SLC10A7: variants seen among roughly 807,000 people sequenced by gnomAD.
SLC10A7 encodes the protein sodium/bile acid cotransporter 7.
In SLC10A7, 29 loss-of-function variants were observed where a neutral mutation model predicts 43.2. That is an observed-to-expected ratio of 0.67 (90% CI 0.50 to 0.92). SLC10A7 has a LOEUF of 0.92. Ranked by LOEUF, SLC10A7 falls within the 40% of genes least tolerant of loss-of-function variation. The pLI is 0.00. For synonymous variants in SLC10A7, 152 were observed against 144.8 expected, an observed-to-expected ratio of 1.05 and a Z score of -0.35; for missense variants, 295 against 403.2, an observed-to-expected ratio of 0.73 and a Z score of 2.30.
intron 10 of SLC10A7, among the ~76,000 whole-genome samples, chr4:146,270,264 G>A (rs888342453): frequency 1.3e-5 from 2 of 152,086 alleles, no homozygotes; most frequent in African/African-American, 4.8e-5. Context: ...AAAAAACCCT[G>A]GAAGTCACTT....
chr4:146,286,675 C>T (rs75392730), intron 9 of SLC10A7, among the ~76,000 whole-genome samples: 9,720 of 46,784 alleles, frequency 0.21, 325 homozygotes, highest in South Asian at 0.42. Context: ...TGAGAAGGAC[C>T]GTGTCTGGAG....
intron 5 of SLC10A7, among the ~76,000 whole-genome samples, chr4:146,330,873 A>G (rs1373949309): frequency 6.6e-6 from 1 of 151,932 alleles, no homozygotes; most frequent in East Asian, 1.9e-4. Flanking sequence ...ATGAAGAGAA[A>G]GCTCTTTCTT....
chr4:146,442,178 T>A, intron 5 of SLC10A7: 1 of 971,762 alleles, frequency 1.0e-6, no homozygotes, highest in Non-Finnish European at 1.2e-6. Context: ...TGATTAAAAA[T>A]GCTAAAACAA....
At chr4:146,500,192 G>A (rs1335316034) in intron 4 of SLC10A7, among the ~76,000 whole-genome samples, 1 of 152,152 alleles carries the variant, frequency 6.6e-6, no homozygotes, top group Non-Finnish European at 1.5e-5. Flanking sequence ...AGCTAAATGT[G>A]GCTTTGAGAA....
At chr4:146,423,246 C>G (rs1012193917) in intron 5 of SLC10A7, among the ~76,000 whole-genome samples, 4 of 152,026 alleles carry the variant, frequency 2.6e-5, no homozygotes, top group Non-Finnish European at 5.9e-5. Context: ...ATTAACCAAA[C>G]CTGAAAATAA....
At chr4:146,442,758 G>C in intron 5 of SLC10A7, 25 bp downstream of exon 5, 7 of 1,600,800 alleles carry the variant, frequency 4.4e-6, no homozygotes, top group Non-Finnish European at 5.1e-6. Context: ...AGTTGTAATA[G>C]ACAAGTTAAA....
chr4:146,392,871 A>T (rs1738542132), intron 5 of SLC10A7, among the ~76,000 whole-genome samples: 1 of 152,096 alleles, frequency 6.6e-6, no homozygotes, highest in Admixed American at 6.6e-5. Flanking sequence ...GCTACCACTG[A>T]CTACCTCAGC....
intron 6 of SLC10A7, among the ~76,000 whole-genome samples, chr4:146,316,861 C>A (rs1277001941): frequency 6.6e-6 from 1 of 152,080 alleles, no homozygotes; most frequent in Non-Finnish European, 1.5e-5. Context: ...ATCTTGATAT[C>A]CTCCAGGGAT....
At chr4:146,472,591 G>A (rs765767597) in intron 4 of SLC10A7, among the ~76,000 whole-genome samples, 2 of 152,090 alleles carry the variant, frequency 1.3e-5, no homozygotes, top group Non-Finnish European at 2.9e-5. Context: ...TAATCCAACT[G>A]TGTTCCCATA....
intron 5 of SLC10A7, among the ~76,000 whole-genome samples, chr4:146,424,831 T>C (rs1217892884): frequency 6.6e-6 from 1 of 152,224 alleles, no homozygotes; most frequent in Non-Finnish European, 1.5e-5. Flanking sequence ...TATGAAGTTG[T>C]ATTTATTTTC....
chr4:146,262,828 CTG>C (rs1278508864), intron 10 of SLC10A7, among the ~76,000 whole-genome samples: 5 of 152,230 alleles, frequency 3.3e-5, no homozygotes, highest in Non-Finnish European at 5.9e-5. Flanking sequence ...ATTTTCTACT[CTG>C]TGACCAGAGT....
chr4:146,480,654 C>G (rs1383592844), intron 4 of SLC10A7, among the ~76,000 whole-genome samples: 1 of 151,786 alleles, frequency 6.6e-6, no homozygotes, highest in East Asian at 1.9e-4. Flanking sequence ...ATCTTAAAAG[C>G]AATAATTTAG....
intron 5 of SLC10A7, among the ~76,000 whole-genome samples, chr4:146,387,038 T>C (rs927044252): frequency 3.3e-5 from 5 of 152,230 alleles, no homozygotes; most frequent in Non-Finnish European, 7.3e-5. Context: ...TCTGACCTTT[T>C]AGCAACTTTC....
At chr4:146,345,970 A>G (rs1734594016) in intron 5 of SLC10A7, among the ~76,000 whole-genome samples, 1 of 152,144 alleles carries the variant, frequency 6.6e-6, no homozygotes, top group African/African-American at 2.4e-5. Flanking sequence ...ACCAATGCAC[A>G]CAGAGGTTAG....
intron 5 of SLC10A7, among the ~76,000 whole-genome samples, chr4:146,362,267 T>C (rs968896726): frequency 2.6e-5 from 4 of 152,012 alleles, no homozygotes; most frequent in Admixed American, 2.0e-4. Context: ...ACCAAGCAGA[T>C]TGACCCTAAA....
chr4:146,392,217 C>G (rs905107330), intron 5 of SLC10A7, among the ~76,000 whole-genome samples: 5 of 152,132 alleles, frequency 3.3e-5, no homozygotes, highest in African/African-American at 1.2e-4. Context: ...ATTATAAAGT[C>G]ATTATGCATA....
At chr4:146,391,294 G>A (rs1413957006) in intron 5 of SLC10A7, among the ~76,000 whole-genome samples, 1 of 152,152 alleles carries the variant, frequency 6.6e-6, no homozygotes, top group African/African-American at 2.4e-5. Context: ...CACTGCAAAT[G>A]TGTTAAGAGG....
At chr4:146,378,063 T>G (rs1021591840) in intron 5 of SLC10A7, among the ~76,000 whole-genome samples, 1 of 152,216 alleles carries the variant, frequency 6.6e-6, no homozygotes, top group Admixed American at 6.5e-5. Context: ...ATGCCAGGGC[T>G]ACTGGAACAA....
intron 5 of SLC10A7, among the ~76,000 whole-genome samples, chr4:146,417,942 G>T (rs192916843): frequency 1.3e-5 from 2 of 152,008 alleles, no homozygotes; most frequent in East Asian, 3.9e-4. Flanking sequence ...CTTATAACAG[G>T]ACTCTCTCCT....
Sources: allele counts gnomAD v4.1 joint callset (sites outside exome capture counted in the v4.1 genomes callset), GRCh38; gene constraint gnomAD v4.1.1; transcripts MANE v1.5; gene names NCBI Gene and HGNC (gene_info 2026-07-23, HGNC 2026-07-21).